The following SYNE3 variants were observed in gnomAD, a reference collection of about 807,000 sequenced individuals.
SYNE3 encodes the protein nesprin-3.
In SYNE3, 100 loss-of-function variants were observed where a neutral mutation model predicts 111.2. That is an observed-to-expected ratio of 0.90 (90% CI 0.77 to 1.06). SYNE3 has a LOEUF of 1.06. Ranked by LOEUF, SYNE3 falls within the 50% of genes least tolerant of loss-of-function variation. The pLI is 0.00. For synonymous variants in SYNE3, 547 were observed against 533.9 expected, an observed-to-expected ratio of 1.02 and a Z score of -0.34; for missense variants, 1,160 against 1,240.3, an observed-to-expected ratio of 0.94 and a Z score of 0.97.
At chr14:95,497,604 A>G (rs1225321471) in intron 1 of SYNE3, among the ~76,000 whole-genome samples, 1 of 152,194 alleles carries the variant, frequency 6.6e-6, no homozygotes, top group Non-Finnish European at 1.5e-5. Flanking sequence ...AAAGCGCTGC[A>G]CTCTAGAGCG....
chr14:95,463,742 C>G (rs1376522247), intron 4 of SYNE3, among the ~76,000 whole-genome samples: 2 of 152,372 alleles, frequency 1.3e-5, no homozygotes, highest in East Asian at 3.9e-4. Flanking sequence ...CTCCTGGAGC[C>G]TCCTGTGGCT....
In SYNE3 at chr14:95,475,834, G is replaced by C. The variant is rs1888855683; in HGVS notation, c.-13C>G. ...GCTGCTGAGTCATGGCACCTGCAGG[G>C]GCTGAAGAAAGGGCCACAGATAAGG... On this transcript the variant is annotated splice_region_variant and 5_prime_UTR_variant, in exon 2 of 18. Transcript: ENST00000682763. 6.6e-7 allele frequency: 1 copy of C among 1,519,162 alleles called. No individual in the cohort carries two copies. The highest frequency in any genetic ancestry group is 8.8e-7 in the Non-Finnish European group (1 of 1,136,118). The allele number at this position is 1,519,162 out of a possible 1,614,324, so 94.1% of individuals were successfully genotyped here. A position where few individuals can be genotyped will look rare whatever the true frequency, so the allele number is the denominator to read the frequency against.
In SYNE3 at chr14:95,455,667, A is replaced by C. The variant is rs568348358; in HGVS notation, c.847T>G (p.Ser283Ala). 6.2e-7 allele frequency: 1 copy of C among 1,614,060 alleles called. No individual in the cohort carries two copies. The highest frequency in any genetic ancestry group is 8.5e-7 in the Non-Finnish European group (1 of 1,180,038). Residue 283 changes from serine to alanine, a missense_variant, in exon 6 of 18, where the codon TCT (serine) becomes GCT (alanine). By Grantham distance (99) the Ser-to-Ala change is moderately conservative. Coordinates refer to ENST00000682763, the MANE Select transcript of SYNE3 (RefSeq NM_152592.6). ...GAGGTGTTCCGAATGACACCCGCAG[A>C]CTGCTCCTCCAGCGTCTCCAGAGAC... is the stretch of plus-strand genomic sequence containing the variant. ...EESLETLEEQ[S>A]AGVIRNTSPL...
chr14:95,473,692 C>T (rs1888680471), intron 2 of SYNE3, among the ~76,000 whole-genome samples: 2 of 147,542 alleles, frequency 1.4e-5, no homozygotes, highest in Admixed American at 1.3e-4. Context: ...GGAGCTAAGG[C>T]TGGTGTGAGC....
Position 95,418,074 on chromosome 14 carries a change from G to T in SYNE3, c.2728-48C>A, listed in dbSNP as rs114043326. ...GTGAGTGGGCTGGGGGGCTCTGGTG[G>T]TGGGGGGCAGGTTCAGGGGGCGAGG... On this transcript the variant is annotated intron_variant, in intron 17 of 17. Coordinates refer to ENST00000682763, the MANE Select transcript of SYNE3 (RefSeq NM_152592.6). The T allele has an allele frequency of 1.8e-3, 2,927 of 1,596,052 alleles. 21 individuals are homozygous for T. In the African/African-American group the frequency reaches 0.02, roughly 11 times the overall value.
chr14:95,511,164 A>G (rs1004563218), intron 1 of SYNE3, among the ~76,000 whole-genome samples: 3 of 152,228 alleles, frequency 2.0e-5, no homozygotes, highest in Non-Finnish European at 4.4e-5. Flanking sequence ...ACCTCTCTGA[A>G]CCTGCTTCCC....
In SYNE3 at chr14:95,436,945, C is replaced by T; in HGVS notation, c.2413G>A (p.Asp805Asn). The change falls in exon 15 of 18, where the codon GAT becomes AAT. Residue 805 changes from aspartate (D) to asparagine (N), a missense_variant. Transcript: ENST00000682763. Reference protein sequence around the residue: ...LLQEEEGSHEDFSQLLRNFGQ... With the variant: ...LLQEEEGSHENFSQLLRNFGQ... ...AAGTTCCTCAGGAGCTGGGAGAAAT[C>T]TTCATGGCTCCCTTCTTCTTCCTGT... 6.2e-7 allele frequency: 1 copy of T among 1,613,288 alleles called. No homozygotes were observed.
chr14:95,505,165 C>T (rs1956119), intron 1 of SYNE3, among the ~76,000 whole-genome samples: 105,950 of 151,880 alleles, frequency 0.7, 37,932 homozygotes, highest in Non-Finnish European at 0.79. Context: ...CTGTGGGCAC[C>T]GGGGTCCTAA....
intron 17 of SYNE3, among the ~76,000 whole-genome samples, chr14:95,423,529 G>A (rs1348986882): frequency 2.1e-5 from 2 of 94,306 alleles, no homozygotes; most frequent in Non-Finnish European, 4.2e-5. Context: ...ATGGGGATTT[G>A]ATGGGGATGG....
chr14:95,478,567 G>A (rs1469766292), intron 1 of SYNE3, among the ~76,000 whole-genome samples: 1 of 152,184 alleles, frequency 6.6e-6, no homozygotes, highest in Non-Finnish European at 1.5e-5. Flanking sequence ...GCAGGACGAG[G>A]TAAGCCAGCC....
At chr14:95,491,653 G>A (rs532466128) in intron 1 of SYNE3, among the ~76,000 whole-genome samples, 23 of 152,108 alleles carry the variant, frequency 1.5e-4, no homozygotes, top group African/African-American at 5.1e-4. Flanking sequence ...CAATCTTCCT[G>A]ACCTTGGAAT....
chr14:95,458,306 C>T (rs1279193347), intron 4 of SYNE3, among the ~76,000 whole-genome samples: 1 of 152,208 alleles, frequency 6.6e-6, no homozygotes, highest in African/African-American at 2.4e-5. Flanking sequence ...TGGGATCCCA[C>T]TGCCTGTGGC....
chr14:95,464,060 C>A (rs763676054), intron 4 of SYNE3, among the ~76,000 whole-genome samples: 1 of 152,238 alleles, frequency 6.6e-6, no homozygotes, highest in Non-Finnish European at 1.5e-5. Flanking sequence ...AGCGCCAGAG[C>A]CTTGTTCCTG....
rs992036491 is a variant in SYNE3 at position 95,470,525 on chromosome 14, C to G, written c.145-2558G>C. 1.3e-5 allele frequency among the ~76,000 whole-genome samples: 2 copies of G among 151,756 alleles called. No homozygotes were observed. The highest frequency in any genetic ancestry group is 2.9e-5 in the Non-Finnish European group (2 of 67,984). On this transcript the variant is annotated intron_variant, in intron 2 of 17. Coordinates refer to ENST00000682763, the MANE Select transcript of SYNE3 (RefSeq NM_152592.6). This position sits in a 1 kb window ranked among gnomAD's most constrained non-coding sequence, Gnocchi z 4.2. ...AACTAGCCAGGCACAGTGGCATATG[C>G]CTGTAGTCCTAGTTACTCAAGAGGC...
chr14:95,473,575 G>T (rs535155019), intron 2 of SYNE3, among the ~76,000 whole-genome samples: 1 of 152,278 alleles, frequency 6.6e-6, no homozygotes, highest in Non-Finnish European at 1.5e-5. Flanking sequence ...GCTTGGCGGT[G>T]GAAGGTCTAC....
chr14:95,485,274 CT>C lies in SYNE3; in HGVS notation c.-14-9440del, dbSNP rs911158413. On this transcript the variant is annotated intron_variant, in intron 1 of 17. Transcript: ENST00000682763. The surrounding 1 kb of genome is among the most constrained non-coding windows in gnomAD (Gnocchi z 4.3). ...CTTCTTGCCTCAACTGCATCAGTCA[CT>C]TCTGTTTCTGAAGAGCAGAGCAGGC... Among the ~76,000 whole-genome samples, 3 of 152,172 alleles carry C rather than the reference CT, an allele frequency of 2.0e-5. No homozygotes were observed. The highest frequency in any genetic ancestry group is 7.2e-5 in the African/African-American group (3 of 41,428).
chr14:95,470,011 A>T lies in SYNE3; in HGVS notation c.145-2044T>A, dbSNP rs1489462740. Among the ~76,000 whole-genome samples, 2 of 152,220 alleles carry T rather than the reference A, an allele frequency of 1.3e-5. No individual in the cohort carries two copies. The highest frequency in any genetic ancestry group is 4.8e-5 in the African/African-American group (2 of 41,452). ...GTGTGCATGTGAGTGGGAGGTGCTC[A>T]GGGAGAGTGAAGAATGGGGAGATTC... On this transcript the variant is annotated intron_variant, in intron 2 of 17. Transcript: ENST00000682763. The surrounding 1 kb of genome is among the most constrained non-coding windows in gnomAD (Gnocchi z 4.2).
Position 95,444,640 on chromosome 14 carries a change from C to G in SYNE3, c.1633-12G>C. The G allele has an allele frequency of 6.4e-7, 1 of 1,573,476 alleles. No homozygotes were observed. The highest frequency in any genetic ancestry group is 8.7e-7 in the Non-Finnish European group (1 of 1,155,982). On this transcript the variant is annotated splice_polypyrimidine_tract_variant and intron_variant, in intron 9 of 17. Transcript: ENST00000682763. ...TGAGCGAGCAGGCTCTGCAGAGACA[C>G]AGGACAGTGTGCACATTAAGAGCGT...
chr14:95,475,254 C>T lies in SYNE3; in HGVS notation c.144+424G>A, dbSNP rs1289550944. ...CTTGCTGGGCAGAGCCCCTTCCCCG[C>T]TCCTCTGGAGGAAGACCTTGGCCAA... On this transcript the variant is annotated intron_variant, in intron 2 of 17. Transcript: ENST00000682763. 3.3e-5 allele frequency among the ~76,000 whole-genome samples: 5 copies of T among 152,224 alleles called. 1 individual carries two copies. Among genetic ancestry groups the T allele is most frequent in the Admixed American group, 3.3e-4 (5 of 15,286 alleles).
Sources: allele counts gnomAD v4.1 joint callset (sites outside exome capture counted in the v4.1 genomes callset), GRCh38; gene constraint gnomAD v4.1.1; non-coding constraint Gnocchi (gnomAD v3.1); transcripts MANE v1.5; gene names NCBI Gene and HGNC (gene_info 2026-07-23, HGNC 2026-07-21).